CLSTN2: variants seen among roughly 807,000 people sequenced by gnomAD.
CLSTN2 encodes calsyntenin 2, also known as calsyntenin-2.
A neutral mutation model predicts 101.2 loss-of-function variants in CLSTN2; 48 were observed. The observed-to-expected ratio is 0.47, with a 90% confidence interval of 0.38 to 0.60. CLSTN2 has a LOEUF of 0.60. Among genes scored for constraint, CLSTN2 ranks in the 20% least tolerant of loss-of-function variants. The pLI is 0.00. For synonymous variants in CLSTN2, 481 were observed against 463.6 expected (o/e 1.04, Z -0.48); for missense variants, 1,160 against 1,238.2 (o/e 0.94, Z 0.95).
chr3:140,361,431 A>G (rs543569071), intron 2 of CLSTN2, among the ~76,000 whole-genome samples: 1 of 152,300 alleles, frequency 6.6e-6, no homozygotes, highest in South Asian at 2.1e-4. Context: ...CAAGGTAAGG[A>G]TACTCATTCT....
intron 8 of CLSTN2, among the ~76,000 whole-genome samples, chr3:140,490,250 T>TC (rs2107756987): frequency 6.7e-6 from 1 of 150,248 alleles, no homozygotes; most frequent in South Asian, 2.2e-4. Context: ...CTCTGTGTAT[T>TC]CTCTCACCTC....
At chr3:140,202,956 C>T (rs1046217397) in intron 2 of CLSTN2, among the ~76,000 whole-genome samples, 2 of 152,160 alleles carry the variant, frequency 1.3e-5, no homozygotes, top group African/African-American at 2.4e-5. Context: ...TATGCCCCCT[C>T]CTGGTCTAGC....
At chr3:140,428,612 A>C (rs1403193863) in intron 5 of CLSTN2, among the ~76,000 whole-genome samples, 1 of 152,158 alleles carries the variant, frequency 6.6e-6, no homozygotes, top group African/African-American at 2.4e-5. Flanking sequence ...CATGGCAGCT[A>C]ATTACACCTT....
intron 11 of CLSTN2, among the ~76,000 whole-genome samples, chr3:140,558,400 G>T (rs141359560): frequency 6.6e-6 from 1 of 152,176 alleles, no homozygotes; most frequent in African/African-American, 2.4e-5. Flanking sequence ...TCATGGTTAC[G>T]TGTTGCTCAT....
chr3:140,077,612 T>G (rs2008514432), intron 1 of CLSTN2, among the ~76,000 whole-genome samples: 1 of 152,200 alleles, frequency 6.6e-6, no homozygotes, highest in Non-Finnish European at 1.5e-5. Flanking sequence ...CCCTGTACAC[T>G]GCTGAGGCTT....
intron 1 of CLSTN2, among the ~76,000 whole-genome samples, chr3:140,049,140 T>G (rs77255730): frequency 2.1e-3 from 327 of 152,276 alleles, no homozygotes; most frequent in African/African-American, 7.6e-3. Context: ...AGACGGCATC[T>G]CCATTGAGGA....
intron 2 of CLSTN2, among the ~76,000 whole-genome samples, chr3:140,345,600 A>ATTT (rs35828839): frequency 1.2e-4 from 14 of 121,128 alleles, no homozygotes; most frequent in South Asian, 2.8e-4. Flanking sequence ...TATGTGTGGA[A>ATTT]TTTTTTTTTT....
At chr3:140,108,815 G>A (rs2009104874) in intron 1 of CLSTN2, among the ~76,000 whole-genome samples, 1 of 152,136 alleles carries the variant, frequency 6.6e-6, no homozygotes, top group Non-Finnish European at 1.5e-5. Flanking sequence ...TTTAGAAAAT[G>A]AGCCCAGAGA....
chr3:140,322,542 A>C (rs998286053), intron 2 of CLSTN2, among the ~76,000 whole-genome samples: 12 of 152,192 alleles, frequency 7.9e-5, no homozygotes, highest in African/African-American at 2.7e-4. Flanking sequence ...GGTCAGGGAA[A>C]TTTCTACAGC....
chr3:139,949,830 C>T (rs76927121), intron 1 of CLSTN2, among the ~76,000 whole-genome samples: 2,058 of 152,322 alleles, frequency 0.014, 33 homozygotes, highest in African/African-American at 0.047. Flanking sequence ...CTCCTTGCTC[C>T]TATCAGCATT....
intron 7 of CLSTN2, 65 bp downstream of exon 7, chr3:140,459,834 G>T: frequency 2.5e-6 from 4 of 1,573,874 alleles, no homozygotes; most frequent in Non-Finnish European, 3.5e-6. Context: ...GTCACAGGTG[G>T]CTGGACATGG....
At chr3:140,273,898 A>C (rs2086767910) in intron 2 of CLSTN2, among the ~76,000 whole-genome samples, 1 of 152,146 alleles carries the variant, frequency 6.6e-6, no homozygotes, top group Non-Finnish European at 1.5e-5. Flanking sequence ...CTCAATTTCA[A>C]AGGGGACAGG....
At chr3:140,299,361 A>C (rs2087032116) in intron 2 of CLSTN2, among the ~76,000 whole-genome samples, 1 of 152,254 alleles carries the variant, frequency 6.6e-6, no homozygotes, top group South Asian at 2.1e-4. Context: ...TTCATTTATT[A>C]TTGAAGCTCC....
At chr3:140,437,138 T>C (rs1394819292) in intron 5 of CLSTN2, among the ~76,000 whole-genome samples, 1 of 148,636 alleles carries the variant, frequency 6.7e-6, no homozygotes, top group African/African-American at 2.5e-5. Flanking sequence ...AAGGTCTGCC[T>C]CCCAGGTTCA....
At chr3:140,123,671 G>T (rs2009380966) in intron 1 of CLSTN2, among the ~76,000 whole-genome samples, 1 of 152,122 alleles carries the variant, frequency 6.6e-6, no homozygotes, top group Non-Finnish European at 1.5e-5. Context: ...GAGGCTGAAA[G>T]TCCAAGATCA....
At chr3:140,427,893 T>C (rs1345932781) in intron 5 of CLSTN2, among the ~76,000 whole-genome samples, 2 of 152,172 alleles carry the variant, frequency 1.3e-5, no homozygotes, top group Non-Finnish European at 2.9e-5. Flanking sequence ...TTCTTAGTGT[T>C]TCCCTCTTGT....
chr3:140,410,687 T>C (rs1250190447), intron 4 of CLSTN2, among the ~76,000 whole-genome samples: 2 of 152,182 alleles, frequency 1.3e-5, no homozygotes, highest in Admixed American at 6.5e-5. Context: ...AGATGACATG[T>C]AAATCACTTA....
chr3:140,329,250 A>G (rs1026053263), intron 2 of CLSTN2, among the ~76,000 whole-genome samples: 2 of 152,208 alleles, frequency 1.3e-5, no homozygotes, highest in Non-Finnish European at 2.9e-5. Flanking sequence ...TTAGCTGGGC[A>G]TGGTGGCACA....
intron 1 of CLSTN2, among the ~76,000 whole-genome samples, chr3:140,088,236 G>A (rs2008711985): frequency 6.6e-6 from 1 of 152,158 alleles, no homozygotes; most frequent in South Asian, 2.1e-4. Context: ...TGTCCCACAG[G>A]CAACATTTTC....
Sources: allele counts gnomAD v4.1 joint callset (sites outside exome capture counted in the v4.1 genomes callset), GRCh38; gene constraint gnomAD v4.1.1; transcripts MANE v1.5; gene names NCBI Gene and HGNC (gene_info 2026-07-23, HGNC 2026-07-21).